ELOVL5: variants seen among roughly 807,000 people sequenced by gnomAD.
ELOVL5 encodes the protein ELOVL fatty acid elongase 5, also known as very long chain fatty acid elongase 5.
Under a neutral mutation model 38.6 loss-of-function variants are expected in ELOVL5, and 8 were observed. The observed-to-expected ratio is 0.21, with a 90% CI of 0.12 to 0.37. The LOEUF is 0.37. Ranked by LOEUF, ELOVL5 falls within the 10% of genes least tolerant of loss-of-function variation. ELOVL5 has a pLI of 1.00. For synonymous variants in ELOVL5, 127 were observed against 133.7 expected, an observed-to-expected ratio of 0.95 and a Z score of 0.34; for missense variants, 280 against 367.8, an observed-to-expected ratio of 0.76 and a Z score of 1.95.
intron 1 of ELOVL5, among the ~76,000 whole-genome samples, chr6:53,338,374 T>C (rs1440177847): frequency 1.3e-5 from 2 of 152,228 alleles, no homozygotes; most frequent in Non-Finnish European, 2.9e-5. Context: ...GCTGCTTTTG[T>C]TCCTACTCCT....
In ELOVL5 at chr6:53,269,055, G is replaced by A. The variant is rs867693044; in HGVS notation, c.*72C>T. 1.0e-5 allele frequency: 16 copies of A among 1,542,504 alleles called. No homozygotes were observed. Among genetic ancestry groups the A allele is most frequent in the South Asian group, 4.9e-5 (4 of 81,784 alleles). On this transcript the variant is annotated 3_prime_UTR_variant, in exon 8 of 8. Transcript: ENST00000304434. Reference sequence around the variant, plus strand: ...CAGACTAGTTACAGCAGCTGTTAACGAGCATTGGGGCACAACTCATATTGT... The same window carrying A: ...CAGACTAGTTACAGCAGCTGTTAACAAGCATTGGGGCACAACTCATATTGT...
intron 3 of ELOVL5, among the ~76,000 whole-genome samples, chr6:53,285,401 G>A (rs551906572): frequency 6.6e-6 from 1 of 152,308 alleles, no homozygotes; most frequent in African/African-American, 2.4e-5. Context: ...TGAAGCTGCA[G>A]AAGAAAAGCT....
Position 53,333,649 on chromosome 6 carries a change from C to A in ELOVL5, c.-9+15168G>T, listed in dbSNP as rs79134189. Reference sequence around the variant, plus strand: ...ATCAAAGGACAAAGGGAAGGGAGAACAAGAAATTTAACTGGTCAACTTAGA... The same window carrying A: ...ATCAAAGGACAAAGGGAAGGGAGAAAAAGAAATTTAACTGGTCAACTTAGA... On this transcript the variant is annotated intron_variant, in intron 1 of 7. Coordinates refer to ENST00000304434, the MANE Select transcript of ELOVL5 (RefSeq NM_021814.5). Among the ~76,000 whole-genome samples, 1,210 of 152,210 alleles carry A rather than the reference C, an allele frequency of 7.9e-3. 18 individuals are homozygous for A. Among genetic ancestry groups the A allele is most frequent in the African/African-American group, 0.024 (1,017 of 41,526 alleles).
chr6:53,337,859 G>T (rs971017342), intron 1 of ELOVL5, among the ~76,000 whole-genome samples: 1 of 152,208 alleles, frequency 6.6e-6, no homozygotes, highest in Non-Finnish European at 1.5e-5. Flanking sequence ...AGGACAGAGA[G>T]TATGAATGAG....
intron 1 of ELOVL5, among the ~76,000 whole-genome samples, chr6:53,347,142 C>T (rs1354245587): frequency 6.6e-6 from 1 of 152,202 alleles, no homozygotes; most frequent in Non-Finnish European, 1.5e-5. Flanking sequence ...AAGTTCTGTA[C>T]TACATTCTGT....
At chr6:53,289,707 T>C (rs1412860078) in intron 3 of ELOVL5, among the ~76,000 whole-genome samples, 5 of 151,902 alleles carry the variant, frequency 3.3e-5, no homozygotes, top group African/African-American at 1.2e-4. Flanking sequence ...GCGACAAGAG[T>C]GAAACTGTCT....
In ELOVL5 at chr6:53,324,691, A is replaced by AAAAAAAAAAAAAAAAAAC. The variant is rs70980840; in HGVS notation, c.-9+24125_-9+24126insGTTTTTTTTTTTTTTTTT. On this transcript the variant is annotated intron_variant, in intron 1 of 7. Transcript: ENST00000304434. ...TCCTGTCAAAAAAAAAAAAAAAAAAAGGAAAAGAAATAGAATCAGGAAGGA... is the reference window on the plus strand; with the variant it reads ...TCCTGTCAAAAAAAAAAAAAAAAAAAAAAAAAAAAAAAAAAAACGGAAAAGAAATAGAATCAGGAAGGA... Among the ~76,000 whole-genome samples, 4 of 118,102 alleles carry AAAAAAAAAAAAAAAAAAC rather than the reference A, an allele frequency of 3.4e-5. 1 individual carries two copies. The highest frequency in any genetic ancestry group is 6.9e-5 in the Non-Finnish European group (4 of 58,176). The allele number at this position is 118,102 out of a possible 152,430, so 77.5% of individuals were successfully genotyped here.
chr6:53,274,764 C>T (rs1440033953), intron 5 of ELOVL5, among the ~76,000 whole-genome samples: 1 of 152,178 alleles, frequency 6.6e-6, no homozygotes, highest in East Asian at 1.9e-4. Context: ...ATTTTCCTCA[C>T]CTGCCCGTCT....
intron 1 of ELOVL5, among the ~76,000 whole-genome samples, chr6:53,305,436 T>G (rs1767475200): frequency 6.8e-6 from 1 of 146,578 alleles, no homozygotes; most frequent in African/African-American, 2.5e-5. Context: ...CGCTCCTCAC[T>G]TCCCAGACGG....
chr6:53,288,926 C>A, intron 3 of ELOVL5, among the ~76,000 whole-genome samples: 1 of 152,176 alleles, frequency 6.6e-6, no homozygotes, highest in South Asian at 2.1e-4. Flanking sequence ...CTTAGCTAGA[C>A]GTGGTGGCAT....
At chr6:53,339,877 C>G (rs755746404) in intron 1 of ELOVL5, among the ~76,000 whole-genome samples, 42 of 152,094 alleles carry the variant, frequency 2.8e-4, no homozygotes, top group Non-Finnish European at 1.3e-4. Flanking sequence ...AGGAGGTATT[C>G]CAGAAGAAGG....
chr6:53,300,350 A>C (rs1400175938), intron 1 of ELOVL5, among the ~76,000 whole-genome samples: 1 of 152,188 alleles, frequency 6.6e-6, no homozygotes, highest in East Asian at 1.9e-4. Flanking sequence ...TGCCTACCAC[A>C]TGCTAGGCAC....
intron 1 of ELOVL5, among the ~76,000 whole-genome samples, chr6:53,326,365 T>C (rs1430627520): frequency 6.6e-6 from 1 of 152,184 alleles, no homozygotes; most frequent in African/African-American, 2.4e-5. Context: ...CCTTGCTCTC[T>C]GGATACAGCC....
intron 7 of ELOVL5, among the ~76,000 whole-genome samples, chr6:53,270,270 G>A (rs1167091383): frequency 6.6e-6 from 1 of 152,252 alleles, no homozygotes; most frequent in African/African-American, 2.4e-5. Context: ...GTTCAGGGTA[G>A]TGAACTGAGA....
chr6:53,319,519 C>A (rs1442579844), intron 1 of ELOVL5, among the ~76,000 whole-genome samples: 2 of 152,162 alleles, frequency 1.3e-5, no homozygotes, highest in Admixed American at 6.5e-5. Flanking sequence ...GGTACCATAA[C>A]TGAGAGTGCA....
rs147143655 is a variant in ELOVL5, at chr6:53,319,822, C to T, written c.-8-24115G>A. Among the ~76,000 whole-genome samples, 5 of 152,294 alleles carry T rather than the reference C, an allele frequency of 3.3e-5. No individual in the cohort carries two copies. In the East Asian group the frequency reaches 9.6e-4, roughly 29 times the overall value. On this transcript the variant is annotated intron_variant, in intron 1 of 7. Coordinates refer to ENST00000304434, the MANE Select transcript of ELOVL5 (RefSeq NM_021814.5). ...CTTATATTTCAATATATTACTCAAACCCTGCTCTCCTCTATTTTAATTGTG... is the reference window on the plus strand; with the variant it reads ...CTTATATTTCAATATATTACTCAAATCCTGCTCTCCTCTATTTTAATTGTG...
chr6:53,273,208 C>T lies in ELOVL5; in HGVS notation c.621+12G>A. 1 of 1,613,210 alleles carries T rather than the reference C, an allele frequency of 6.2e-7. No homozygotes were observed. The highest frequency in any genetic ancestry group is 8.5e-7 in the Non-Finnish European group (1 of 1,179,492). The stretch of plus-strand genomic sequence containing the variant: ...GGAAGTAAGTCCTGGGGAAAGAGGC[C>T]AAGTCACTCACCAGCTGCCCCTGAG... On this transcript the variant is annotated intron_variant, in intron 6 of 7. Coordinates refer to ENST00000304434, the MANE Select transcript of ELOVL5 (RefSeq NM_021814.5).
chr6:53,323,810 C>T (rs116534861), intron 1 of ELOVL5, among the ~76,000 whole-genome samples: 2,235 of 152,064 alleles, frequency 0.015, 64 homozygotes, highest in African/African-American at 0.051. Context: ...CTCGAACTCC[C>T]GACCATCTGA....
chr6:53,304,955 G>C (rs1216684289), intron 1 of ELOVL5, among the ~76,000 whole-genome samples: 3 of 152,100 alleles, frequency 2.0e-5, no homozygotes, highest in Admixed American at 2.0e-4. Flanking sequence ...CCTCCCAGAC[G>C]GGGTGGTGGC....
Sources: allele counts gnomAD v4.1 joint callset (sites outside exome capture counted in the v4.1 genomes callset), GRCh38; gene constraint gnomAD v4.1.1; transcripts MANE v1.5; gene names NCBI Gene and HGNC (gene_info 2026-07-23, HGNC 2026-07-21).